VDAC1: variants seen among roughly 807,000 people sequenced by gnomAD.
VDAC1 encodes the protein voltage dependent anion channel 1, also known as non-selective voltage-gated ion channel VDAC1.
In VDAC1, 10 loss-of-function variants were observed where a neutral mutation model predicts 34.7. The observed-to-expected ratio is 0.29, with a 90% CI of 0.18 to 0.49. The LOEUF (loss-of-function observed/expected upper bound fraction) is 0.49, where lower values mean the gene tolerates loss of function less well. VDAC1 is among the 20% of genes least tolerant of loss of function. VDAC1 has a pLI of 0.99. For synonymous variants in VDAC1, 130 were observed against 136.0 expected (o/e 0.96, Z 0.30); for missense variants, 230 against 347.9 (o/e 0.66, Z 2.69).
the VDAC1 span, among the ~76,000 whole-genome samples, chr5:134,054,913 T>C: frequency 6.6e-6 from 1 of 152,150 alleles, no homozygotes; most frequent in African/African-American, 2.4e-5. Flanking sequence ...CAGAGGGCAT[T>C]TGGGCATCAG....
the VDAC1 span, among the ~76,000 whole-genome samples, chr5:134,048,248 A>G: frequency 0.011 from 1,628 of 151,836 alleles, 31 homozygotes; most frequent in African/African-American, 0.038. Flanking sequence ...GATTACAGGC[A>G]TGAGCCACCG....
chr5:134,069,720 A>T, the VDAC1 span, among the ~76,000 whole-genome samples: 2 of 152,130 alleles, frequency 1.3e-5, no homozygotes, highest in Admixed American at 1.3e-4. Context: ...TGGATGTGTC[A>T]AAAGTGTTTG....
At chr5:134,027,394 TGCCGG>T in the VDAC1 span, among the ~76,000 whole-genome samples, 9 of 152,252 alleles carry the variant, frequency 5.9e-5, no homozygotes, top group South Asian at 1.5e-3. Flanking sequence ...GCAGGCGCTG[TGCCGG>T]GCCCTGGAGA....
At chr5:134,073,653 A>C in the VDAC1 span, among the ~76,000 whole-genome samples, 8 of 152,228 alleles carry the variant, frequency 5.3e-5, no homozygotes, top group Admixed American at 5.2e-4. Flanking sequence ...TTCATCAGAG[A>C]GAGGATGGCA....
the VDAC1 span, among the ~76,000 whole-genome samples, chr5:134,104,941 C>G: frequency 0.014 from 2,101 of 152,282 alleles, 46 homozygotes; most frequent in African/African-American, 0.048. Flanking sequence ...CCAAGCGGTT[C>G]CTTGATACTG....
At chr5:133,994,045 G>A (rs573340304) in intron 1 of VDAC1, among the ~76,000 whole-genome samples, 1 of 152,240 alleles carries the variant, frequency 6.6e-6, no homozygotes, top group South Asian at 2.1e-4. Flanking sequence ...TTAAAATACA[G>A]TATACCTAAA....
In VDAC1 at chr5:133,975,262, A is replaced by G. The variant is rs184876229; in HGVS notation, c.702+609T>C. Reference sequence around the variant, plus strand: ...AACCTGGGCCTTGTCTCAAAAAAACAAAAAATAAAAAAAACCCAGAGATGA... The same window carrying G: ...AACCTGGGCCTTGTCTCAAAAAAACGAAAAATAAAAAAAACCCAGAGATGA... On this transcript the variant is annotated intron_variant, in intron 7 of 8. Coordinates refer to ENST00000265333, the MANE Select transcript of VDAC1 (RefSeq NM_003374.3). Among the ~76,000 whole-genome samples, 305 of 152,002 alleles carry G rather than the reference A, an allele frequency of 2.0e-3. 2 individuals carry two copies. Among genetic ancestry groups the G allele is most frequent in the Non-Finnish European group, 2.8e-3 (190 of 67,972 alleles).
chr5:134,057,987 C>T, the VDAC1 span, among the ~76,000 whole-genome samples: 26,447 of 151,998 alleles, frequency 0.17, 2,612 homozygotes, highest in East Asian at 0.4. Flanking sequence ...ATCTCCACCT[C>T]CTGGGCTCAA....
chr5:134,097,999 A>C, the VDAC1 span, among the ~76,000 whole-genome samples: 1 of 151,938 alleles, frequency 6.6e-6, no homozygotes, highest in Non-Finnish European at 1.5e-5. Flanking sequence ...CTTCCCGAGT[A>C]GCTGGGATTA....
At chr5:134,095,998 C>T in the VDAC1 span, among the ~76,000 whole-genome samples, 23 of 152,256 alleles carry the variant, frequency 1.5e-4, no homozygotes, top group African/African-American at 5.5e-4. Flanking sequence ...GCTTCACCCT[C>T]CCGCTCTCAG....
chr5:133,976,829 A>G (rs927647252), intron 6 of VDAC1, among the ~76,000 whole-genome samples: 2 of 152,154 alleles, frequency 1.3e-5, no homozygotes, highest in Non-Finnish European at 2.9e-5. Flanking sequence ...AGATCATTTG[A>G]GGTCAGGAGT....
At chr5:134,057,278 G>C in the VDAC1 span, among the ~76,000 whole-genome samples, 2 of 152,098 alleles carry the variant, frequency 1.3e-5, no homozygotes, top group African/African-American at 4.8e-5. Flanking sequence ...TCAGGAGTTG[G>C]AGACCAGCCT....
chr5:134,105,748 G>T, the VDAC1 span, among the ~76,000 whole-genome samples: 3 of 152,232 alleles, frequency 2.0e-5, no homozygotes, highest in Admixed American at 6.5e-5. Flanking sequence ...CTTGCTCCTG[G>T]AGGCCATCTG....
At chr5:134,113,117 G>A in the VDAC1 span, among the ~76,000 whole-genome samples, 3 of 152,116 alleles carry the variant, frequency 2.0e-5, no homozygotes, top group African/African-American at 7.2e-5. Flanking sequence ...GCAGGGCCGA[G>A]CCCCCCCTTC....
chr5:133,992,435 G>A, intron 2 of VDAC1, 80 bp from the exon 3 acceptor site: 1 of 1,168,818 alleles, frequency 8.6e-7, no homozygotes, highest in Non-Finnish European at 1.2e-6. Flanking sequence ...GTTGCTTCAG[G>A]ATGCTTTTTT....
chr5:133,997,128 T>C (rs1184347999), intron 1 of VDAC1, among the ~76,000 whole-genome samples: 1 of 152,154 alleles, frequency 6.6e-6, no homozygotes, highest in African/African-American at 2.4e-5. Context: ...AGTGAGGGTG[T>C]GGAAAACAGT....
chr5:134,070,966 C>T, the VDAC1 span, among the ~76,000 whole-genome samples: 1 of 152,192 alleles, frequency 6.6e-6, no homozygotes, highest in East Asian at 1.9e-4. Flanking sequence ...TCACAGGAAA[C>T]CGGTCCAAGC....
At chr5:134,106,223 T>C in the VDAC1 span, among the ~76,000 whole-genome samples, 2 of 152,330 alleles carry the variant, frequency 1.3e-5, no homozygotes, top group South Asian at 4.1e-4. Context: ...TCCAAGCTCA[T>C]GTGGCTGTGG....
chr5:134,113,317 A>AG, the VDAC1 span, among the ~76,000 whole-genome samples: 1 of 151,856 alleles, frequency 6.6e-6, no homozygotes, highest in African/African-American at 2.4e-5. Context: ...GTGGCGGGGG[A>AG]GGGGGGTGTG....
Sources: gnomAD v4.1 joint callset for allele counts (sites outside exome capture counted in the v4.1 genomes callset) on GRCh38, gnomAD v4.1.1 for gene constraint, MANE v1.5 for transcripts, NCBI Gene and HGNC (gene_info 2026-07-23, HGNC 2026-07-21) for gene names.